The following PXK variants were observed in gnomAD, a reference collection of about 807,000 sequenced individuals.
PXK encodes the protein PX domain containing serine/threonine kinase like, also known as PX domain-containing protein kinase-like protein.
In PXK, 35 loss-of-function variants were observed where a neutral mutation model predicts 84.7. The ratio of observed to expected loss-of-function variants is 0.41; its 90% CI spans 0.32 to 0.55. PXK has a LOEUF of 0.55. Among genes scored for constraint, PXK ranks in the 20% least tolerant of loss-of-function variants. The pLI is 0.21. For missense variants in PXK, 634 were observed against 699.7 expected (o/e 0.91, Z 1.06); for synonymous variants, 253 against 260.8 (o/e 0.97, Z 0.29).
chr3:58,417,310 GT>G (rs1419657284), intron 17 of PXK, among the ~76,000 whole-genome samples: 2 of 152,220 alleles, frequency 1.3e-5, no homozygotes, highest in African/African-American at 4.8e-5. Context: ...ATGAGCTTAG[GT>G]AAGTTGAATT....
At chr3:58,393,296 C>T (rs979860715) in intron 7 of PXK, among the ~76,000 whole-genome samples, 3 of 151,790 alleles carry the variant, frequency 2.0e-5, no homozygotes, top group African/African-American at 7.3e-5. Flanking sequence ...TGCAGTGAGC[C>T]GAGATCGTGC....
At position 58,365,865 on chromosome 3, in the gene PXK, C is replaced by G; in HGVS notation, c.103-9C>G. On this transcript the variant is annotated splice_polypyrimidine_tract_variant and intron_variant, in intron 1 of 17. Coordinates refer to ENST00000356151, the MANE Select transcript of PXK (RefSeq NM_017771.5). ...ATAACTGAGGTTATTCTTCCCTTCT[C>G]TTTTTAAGGAATATATTATTCGAGT... The G allele has an allele frequency of 2.6e-6, 4 of 1,543,002 alleles. No homozygotes were observed. The highest frequency in any genetic ancestry group is 1.3e-5 in the South Asian group (1 of 79,110).
chr3:58,382,434 A>G, intron 3 of PXK, 80 bp from the exon 4 acceptor site: 1 of 1,248,682 alleles, frequency 8.0e-7, no homozygotes, highest in Non-Finnish European at 1.1e-6. Flanking sequence ...AGGTTTAATG[A>G]AATATGATAG....
intron 12 of PXK, among the ~76,000 whole-genome samples, chr3:58,402,145 C>G (rs958797108): frequency 6.6e-6 from 1 of 152,130 alleles, no homozygotes; most frequent in African/African-American, 2.4e-5. Flanking sequence ...CATTTCTATT[C>G]TTTGACCTGT....
chr3:58,378,204 A>G (rs1050467318), intron 3 of PXK, among the ~76,000 whole-genome samples: 2 of 152,198 alleles, frequency 1.3e-5, no homozygotes, highest in African/African-American at 4.8e-5. Context: ...TCTGGCAGTC[A>G]GGCTTCAGAC....
At chr3:58,384,273 A>C (rs547539242) in intron 4 of PXK, among the ~76,000 whole-genome samples, 35 of 152,316 alleles carry the variant, frequency 2.3e-4, no homozygotes, top group Middle Eastern at 3.4e-3. Flanking sequence ...GATTTTAACA[A>C]GGTCCCCAGG....
rs140602160 is a variant in PXK, at chr3:58,383,631, C to T, written c.388+931C>T. Reference sequence around the variant, plus strand: ...AGGGCTTCTCTTCCAGTACCGATTACACTCAAAGCTGGCATGAATAACCTA... The same window carrying T: ...AGGGCTTCTCTTCCAGTACCGATTATACTCAAAGCTGGCATGAATAACCTA... On this transcript the variant is annotated intron_variant, in intron 4 of 17. Transcript: ENST00000356151. This position sits in a 1 kb window ranked among gnomAD's most constrained non-coding sequence, Gnocchi z 4.0. Among the ~76,000 whole-genome samples the T allele has an allele frequency of 7.0e-4, 106 of 152,334 alleles. 1 individual carries two copies. The highest frequency in any genetic ancestry group is 2.3e-3 in the African/African-American group (94 of 41,566).
At chr3:58,335,208 T>C (rs2097573058) in intron 1 of PXK, among the ~76,000 whole-genome samples, 1 of 152,006 alleles carries the variant, frequency 6.6e-6, no homozygotes, top group Non-Finnish European at 1.5e-5. Flanking sequence ...TAAAATAATT[T>C]AGGGTAGAAA....
chr3:58,412,613 C>T lies in PXK; in HGVS notation c.1466-288C>T, dbSNP rs1255709765. ...TTGCGTCAGGAAGAGATACTGCAGC[C>T]AATTGCCTAAGCTGTTGATGGTGCA... On this transcript the variant is annotated intron_variant, in intron 16 of 17. Transcript: ENST00000356151. The surrounding 1 kb of genome is among the most constrained non-coding windows in gnomAD (Gnocchi z 6.2). Among the ~76,000 whole-genome samples the T allele has an allele frequency of 1.3e-5, 2 of 152,120 alleles. No individual in the cohort carries two copies. Among genetic ancestry groups the T allele is most frequent in the Non-Finnish European group, 2.9e-5 (2 of 68,022 alleles).
chr3:58,422,879 A>G (rs557927001), intron 17 of PXK: 1 of 985,442 alleles, frequency 1.0e-6, no homozygotes, highest in East Asian at 1.1e-4. Context: ...TTAACTGCAC[A>G]GTGATTCTTC....
intron 1 of PXK, among the ~76,000 whole-genome samples, chr3:58,361,456 C>A (rs1406164151): frequency 6.6e-6 from 1 of 152,084 alleles, no homozygotes; most frequent in East Asian, 1.9e-4. Context: ...TGCGAGCATT[C>A]CTCACTTTGC....
chr3:58,366,913 A>G (rs1290434602), intron 2 of PXK, among the ~76,000 whole-genome samples: 1 of 152,204 alleles, frequency 6.6e-6, no homozygotes, highest in Non-Finnish European at 1.5e-5. Context: ...TAACCACTCT[A>G]CGATCTTTTG....
At position 58,395,701 on chromosome 3, in the gene PXK, A is replaced by C; in HGVS notation, c.764A>C (p.Lys255Thr). 1 of 1,613,972 alleles carries C rather than the reference A, an allele frequency of 6.2e-7. No homozygotes were observed. Residue 255 changes from lysine (K) to threonine (T), a missense_variant, in exon 9 of 18, where the codon AAG becomes ACG. Physicochemically the swap from Lys to Thr is moderately conservative, Grantham distance 78 (BLOSUM62 -1). Around this residue, in one of 3 missense-constraint regions of PXK, gnomAD observed 353 missense variants for 385.2 expected, o/e 0.92. Coordinates refer to ENST00000356151, the MANE Select transcript of PXK (RefSeq NM_017771.5). ...DPFLKKYCNP[K>T]KIQGLELQQI... ...TTTCTAAAGAAGTACTGCAACCCTAAGAAGATTCAGGGCCTGGAACTCCAG... is the reference window on the plus strand; with the variant it reads ...TTTCTAAAGAAGTACTGCAACCCTACGAAGATTCAGGGCCTGGAACTCCAG...
intron 3 of PXK, 137 bp from the exon 4 acceptor site, chr3:58,382,377 T>C (rs1463814292): frequency 9.1e-6 from 6 of 659,916 alleles, no homozygotes; most frequent in Non-Finnish European, 1.4e-5. Flanking sequence ...TTTTTCACAA[T>C]TTTTATATCA....
At chr3:58,336,282 A>C (rs1465817426) in intron 1 of PXK, among the ~76,000 whole-genome samples, 1 of 151,656 alleles carries the variant, frequency 6.6e-6, no homozygotes, top group Non-Finnish European at 1.5e-5. Context: ...GGTTTGGAAA[A>C]CTGAGTCACC....
At position 58,421,730 on chromosome 3, in the gene PXK, G is replaced by A. The variant is rs1039314127; in HGVS notation, c.1529-3022G>A. 2 of 985,356 alleles carry A rather than the reference G, an allele frequency of 2.0e-6. No individual in the cohort carries two copies. Among genetic ancestry groups the A allele is most frequent in the Admixed American group, 6.1e-5 (1 of 16,268 alleles). The allele number at this position is 985,356 out of a possible 1,614,324, so 61.0% of individuals were successfully genotyped here. ...TGACAGGGCCTCTGCTGGACTGCCA[G>A]GTTCCCGTGTGGTTTGGTGGAGAAG... On this transcript the variant is annotated intron_variant, in intron 17 of 17. Transcript: ENST00000356151. The surrounding 1 kb of genome is among the most constrained non-coding windows in gnomAD (Gnocchi z 5.5).
Position 58,379,027 on chromosome 3 carries a change from A to G in PXK, c.202-3487A>G, listed in dbSNP as rs907457275. The stretch of plus-strand genomic sequence containing the variant: ...AGCCTCCGCCTCCTGGGTTCAAGCA[A>G]TTCTCCTGCCTCAGCCTCCTGAGTA... On this transcript the variant is annotated intron_variant, in intron 3 of 17. Transcript: ENST00000356151. The surrounding 1 kb of genome is among the most constrained non-coding windows in gnomAD (Gnocchi z 5.1). 2.0e-5 allele frequency among the ~76,000 whole-genome samples: 3 copies of G among 151,598 alleles called. No homozygotes were observed. Among genetic ancestry groups the G allele is most frequent in the Admixed American group, 6.6e-5 (1 of 15,208 alleles).
intron 3 of PXK, among the ~76,000 whole-genome samples, chr3:58,378,505 TTTTTTTTTG>T (rs1194986017): frequency 1.2e-5 from 1 of 81,692 alleles, no homozygotes; most frequent in Non-Finnish European, 2.6e-5. Context: ...TTTTTTTTTT[TTTTTTTTTG>T]TGTGTGTGTG....
chr3:58,363,707 T>G (rs1166908826), intron 1 of PXK, among the ~76,000 whole-genome samples: 1 of 152,184 alleles, frequency 6.6e-6, no homozygotes, highest in African/African-American at 2.4e-5. Context: ...ACGAACAGTT[T>G]TATTTCTTCC....
Sources: allele counts gnomAD v4.1 joint callset (sites outside exome capture counted in the v4.1 genomes callset), GRCh38; gene constraint gnomAD v4.1.1; regional missense constraint gnomAD v4.1.1; non-coding constraint Gnocchi (gnomAD v3.1); transcripts MANE v1.5; gene names NCBI Gene and HGNC (gene_info 2026-07-23, HGNC 2026-07-21).